DYNC1I1: variants seen among roughly 807,000 people sequenced by gnomAD.
The protein encoded by DYNC1I1 is dynein cytoplasmic 1 intermediate chain 1, also known as cytoplasmic dynein 1 intermediate chain 1.
A neutral mutation model predicts 86.6 loss-of-function variants in DYNC1I1; 43 were observed. The observed-to-expected ratio is 0.50, with a 90% CI of 0.39 to 0.64. DYNC1I1 has a LOEUF of 0.64. Among genes scored for constraint, DYNC1I1 ranks in the 30% least tolerant of loss-of-function variants. DYNC1I1 has a pLI of 0.00. For missense variants in DYNC1I1, 604 were observed against 788.8 expected, an observed-to-expected ratio of 0.77 and a Z score of 2.81; for synonymous variants, 262 against 283.7, an observed-to-expected ratio of 0.92 and a Z score of 0.77.
intron 16 of DYNC1I1, among the ~76,000 whole-genome samples, chr7:96,083,086 C>T (rs1019594200): frequency 2.0e-5 from 3 of 152,016 alleles, no homozygotes; most frequent in African/African-American, 7.2e-5. Context: ...TACAAATTCA[C>T]TACCAAGAAA....
chr7:96,068,055 A>G (rs1271783826), intron 14 of DYNC1I1, among the ~76,000 whole-genome samples: 1 of 152,182 alleles, frequency 6.6e-6, no homozygotes, highest in African/African-American at 2.4e-5. Flanking sequence ...GACCAAACCA[A>G]TGTGGGTCCA....
intron 16 of DYNC1I1, among the ~76,000 whole-genome samples, chr7:96,092,571 C>T (rs144393571): frequency 6.6e-6 from 1 of 152,238 alleles, no homozygotes; most frequent in African/African-American, 2.4e-5. Context: ...GTCTGTGCCT[C>T]CCTTTAGGTA....
At chr7:95,799,945 A>T (rs911721204) in intron 1 of DYNC1I1, among the ~76,000 whole-genome samples, 1 of 151,690 alleles carries the variant, frequency 6.6e-6, no homozygotes, top group African/African-American at 2.4e-5. Flanking sequence ...ATAATGATAG[A>T]AAAGGAAGAG....
chr7:96,088,152 GC>G (rs1033753164), intron 16 of DYNC1I1, among the ~76,000 whole-genome samples: 14 of 152,046 alleles, frequency 9.2e-5, no homozygotes, highest in African/African-American at 3.1e-4. Flanking sequence ...TATTCAGGTA[GC>G]ATTAGTATAT....
chr7:96,072,724 A>G (rs1790207088), intron 14 of DYNC1I1, among the ~76,000 whole-genome samples: 1 of 152,230 alleles, frequency 6.6e-6, no homozygotes, highest in South Asian at 2.1e-4. Flanking sequence ...TATGTCTCAT[A>G]AATTCAAAAT....
At position 96,092,323 on chromosome 7, in the gene DYNC1I1, C is replaced by G. The variant is rs552132814; in HGVS notation, c.1777-5160C>G. Among the ~76,000 whole-genome samples, 6 of 152,276 alleles carry G rather than the reference C, an allele frequency of 3.9e-5. No homozygotes were observed. In the South Asian group the frequency reaches 1.2e-3, roughly 32 times the overall value. On this transcript the variant is annotated intron_variant, in intron 16 of 16. Transcript: ENST00000447467. ...TCATGTATTCAGGGTTTATAGTGTA[C>G]AAGCACTGTGTTAAGCTTATTACAT... is the stretch of plus-strand genomic sequence containing the variant.
intron 14 of DYNC1I1, among the ~76,000 whole-genome samples, chr7:96,046,734 A>AGT (rs1562984386): frequency 6.6e-6 from 1 of 152,234 alleles, no homozygotes; most frequent in African/African-American, 2.4e-5. Flanking sequence ...AACCAGATGC[A>AGT]GTGACCAGCA....
chr7:96,016,163 C>T (rs994816058), intron 10 of DYNC1I1, among the ~76,000 whole-genome samples: 5 of 152,084 alleles, frequency 3.3e-5, no homozygotes, highest in African/African-American at 1.2e-4. Context: ...GAAGAAAGAC[C>T]TATTCGTGCC....
At position 95,991,028 on chromosome 7, in the gene DYNC1I1, TTAAAATAAAA is replaced by T. The variant is rs71292964; in HGVS notation, c.843+3899_843+3908del. On this transcript the variant is annotated intron_variant, in intron 9 of 16. Transcript: ENST00000447467. ...TGGGAGACAGATCAAGACCCTGTCT[TTAAAATAAAA>T]TAAAATAAAATAAAATAAAATAAAA... Among the ~76,000 whole-genome samples the T allele has an allele frequency of 4.8e-4, 72 of 148,654 alleles. No homozygotes were observed. The East Asian group carries it at 5.9e-3, about 12-fold the overall frequency.
At chr7:95,864,482 G>A (rs1039265981) in intron 5 of DYNC1I1, among the ~76,000 whole-genome samples, 5 of 152,122 alleles carry the variant, frequency 3.3e-5, no homozygotes, top group Admixed American at 2.0e-4. Flanking sequence ...TGCTCAGCCA[G>A]CTTTCCCAGC....
chr7:95,991,660 A>T (rs759442304), intron 9 of DYNC1I1, among the ~76,000 whole-genome samples: 2 of 152,020 alleles, frequency 1.3e-5, no homozygotes, highest in Non-Finnish European at 2.9e-5. Context: ...GCTTCTGTTG[A>T]CTGGGGTAAT....
In DYNC1I1 at chr7:95,933,983, G is replaced by A. The variant is rs924052984; in HGVS notation, c.491-43529G>A. Among the ~76,000 whole-genome samples, 6 of 151,964 alleles carry A rather than the reference G, an allele frequency of 3.9e-5. No individual in the cohort carries two copies. The East Asian group carries it at 5.8e-4, about 15-fold the overall frequency. On this transcript the variant is annotated intron_variant, in intron 6 of 16. Transcript: ENST00000447467. The stretch of plus-strand genomic sequence containing the variant: ...AAAGATTAGCCTAGAGAACAATCAC[G>A]GTTCACATTCTATACAGTAGTATAG...
chr7:95,859,948 C>T (rs927221523), intron 5 of DYNC1I1, among the ~76,000 whole-genome samples: 3 of 152,198 alleles, frequency 2.0e-5, no homozygotes, highest in Non-Finnish European at 4.4e-5. Context: ...ACTGTGCCAC[C>T]TGGCATTGGT....
Position 95,870,000 on chromosome 7 carries a change from T to A in DYNC1I1, c.490+2T>A, listed in dbSNP as rs1352457529. 1 of 1,608,390 alleles carries A rather than the reference T, an allele frequency of 6.2e-7. No individual in the cohort carries two copies. Among genetic ancestry groups the A allele is most frequent in the Admixed American group, 1.7e-5 (1 of 58,796 alleles). On this transcript the variant is annotated splice_donor_variant, in intron 6 of 16. Transcript: ENST00000447467. LOFTEE classifies it high-confidence loss of function. Reference sequence around the variant, plus strand: ...CTCTTGCCACGCATCAGTCTGAAGGTAAACTATGTCTTTGGCTTACTTTCC... The same window carrying A: ...CTCTTGCCACGCATCAGTCTGAAGGAAAACTATGTCTTTGGCTTACTTTCC...
chr7:95,907,928 G>A (rs990345543), intron 6 of DYNC1I1, among the ~76,000 whole-genome samples: 4 of 152,016 alleles, frequency 2.6e-5, no homozygotes, highest in Admixed American at 6.6e-5. Context: ...GAAATAAATA[G>A]AATGAAAACA....
intron 14 of DYNC1I1, among the ~76,000 whole-genome samples, chr7:96,069,691 A>G (rs1369244022): frequency 6.6e-6 from 1 of 152,194 alleles, no homozygotes. Context: ...TAAACACTCA[A>G]TACTAGTCAA....
chr7:95,847,160 T>C (rs1279858164), intron 5 of DYNC1I1, among the ~76,000 whole-genome samples: 2 of 152,206 alleles, frequency 1.3e-5, no homozygotes, highest in African/African-American at 2.4e-5. Flanking sequence ...TGTTTCCTTT[T>C]CTTCACCCTC....
chr7:95,980,143 C>T (rs939940159), intron 7 of DYNC1I1, among the ~76,000 whole-genome samples: 1 of 152,078 alleles, frequency 6.6e-6, no homozygotes, highest in Non-Finnish European at 1.5e-5. Context: ...AACTGTTACT[C>T]GTGCTTCATG....
chr7:95,965,124 G>A (rs1792975384), intron 6 of DYNC1I1, among the ~76,000 whole-genome samples: 3 of 152,174 alleles, frequency 2.0e-5, no homozygotes, highest in Admixed American at 2.0e-4. Context: ...CAGCTGACTG[G>A]CCATGTTGAA....
Sources: gnomAD v4.1 joint callset for allele counts (sites outside exome capture counted in the v4.1 genomes callset) on GRCh38, gnomAD v4.1.1 for gene constraint, MANE v1.5 for transcripts, NCBI Gene and HGNC (gene_info 2026-07-23, HGNC 2026-07-21) for gene names.